Variants in ZFAND4 observed in about 807,000 individuals in gnomAD.
ZFAND4 encodes the protein AN1-type zinc finger protein 4.
Under a neutral mutation model 64.4 loss-of-function variants are expected in ZFAND4, and 43 were observed. The observed-to-expected ratio is 0.67, with a 90% CI of 0.52 to 0.86. The LOEUF (loss-of-function observed/expected upper bound fraction) is 0.86, where lower values mean the gene tolerates loss of function less well. Among genes scored for constraint, ZFAND4 ranks in the 40% least tolerant of loss-of-function variants. ZFAND4 has a pLI of 0.00. For missense variants in ZFAND4, 929 were observed against 859.8 expected, an observed-to-expected ratio of 1.08 and a Z score of -1.01; for synonymous variants, 296 against 305.7, an observed-to-expected ratio of 0.97 and a Z score of 0.33.
rs1224247506 is a variant in ZFAND4, at chr10:45,615,932, A to AATATT, written c.*503_*504insAATAT. On this transcript the variant is annotated 3_prime_UTR_variant, in exon 10 of 10. Coordinates refer to ENST00000344646, the MANE Select transcript of ZFAND4 (RefSeq NM_174890.4). ...TGAAGTAAAAAGGAACTTGCTAATA[A>AATATT]AGCCAGTAAACTTTCACACGTGGGA... The AATATT allele has an allele frequency of 3.9e-5, 6 of 152,544 alleles. No homozygotes were observed. In the East Asian group the frequency reaches 7.7e-4, roughly 20 times the overall value. 9.4% of individuals were successfully genotyped at this position (152,544 alleles called of 1,614,324 possible).
intron 8 of ZFAND4, among the ~76,000 whole-genome samples, chr10:45,624,356 C>T (rs1429925193): frequency 6.6e-6 from 1 of 152,094 alleles, no homozygotes; most frequent in African/African-American, 2.4e-5. Flanking sequence ...ATAGATAACA[C>T]CTCTTCCAAG....
rs1200570218 is a variant in ZFAND4 at position 45,639,638 on chromosome 10, G to A, written c.717+178C>T. 5.3e-6 allele frequency: 3 copies of A among 568,568 alleles called. No individual in the cohort carries two copies. The African/African-American group carries it at 5.8e-5, about 11-fold the overall frequency. 35.2% of individuals were successfully genotyped at this position (568,568 alleles called of 1,614,324 possible). A position where few individuals can be genotyped will look rare whatever the true frequency, so the allele number is the denominator to read the frequency against. Reference sequence around the variant, plus strand: ...TAAGTGCAGTATAATCCCTTCAGGTGTGCTTCTAATCCAAAAAATCCAATT... The same window carrying A: ...TAAGTGCAGTATAATCCCTTCAGGTATGCTTCTAATCCAAAAAATCCAATT... On this transcript the variant is annotated intron_variant, in intron 6 of 9. Transcript: ENST00000344646.
intron 6 of ZFAND4, 33 bp from the exon 7 acceptor site, chr10:45,627,138 A>G: frequency 4.7e-6 from 7 of 1,494,726 alleles, no homozygotes; most frequent in Non-Finnish European, 5.3e-6. Flanking sequence ...TTCTTTACAC[A>G]GTCGTTTTCT....
In ZFAND4 at chr10:45,645,806, A is replaced by G. The variant is rs115556434; in HGVS notation, c.569+2488T>C. Among the ~76,000 whole-genome samples the G allele has an allele frequency of 4.6e-3, 697 of 152,316 alleles. 5 individuals carry two copies. Among genetic ancestry groups the G allele is most frequent in the African/African-American group, 0.016 (660 of 41,574 alleles). On this transcript the variant is annotated intron_variant, in intron 5 of 9. Transcript: ENST00000344646. ...TAGCAGTGTTTTTATACCTCAGTGC[A>G]ATTTCCAAATAATGTTCTATTTCAA...
At chr10:45,616,642 G>A in intron 9 of ZFAND4, 71 bp from the exon 10 acceptor site, 3 of 1,554,114 alleles carry the variant, frequency 1.9e-6, no homozygotes, top group Non-Finnish European at 2.6e-6. Flanking sequence ...GGAGACAGGA[G>A]CTTGACTTCA....
chr10:45,642,293 T>TAC lies in ZFAND4; in HGVS notation c.570-2332_570-2331dup, dbSNP rs758161706. 1.0e-3 allele frequency among the ~76,000 whole-genome samples: 153 copies of TAC among 151,358 alleles called. 1 individual carries two copies. Among genetic ancestry groups the TAC allele is most frequent in the Non-Finnish European group, 1.7e-3 (115 of 67,874 alleles). On this transcript the variant is annotated intron_variant, in intron 5 of 9. Transcript: ENST00000344646. Reference sequence around the variant, plus strand: ...AGATACATATATACACACACATACATACACACATATATATATATATAAAAG... The same window carrying TAC: ...AGATACATATATACACACACATACATACACACACATATATATATATATAAAAG...
chr10:45,666,557 C>T (rs117240274), intron 1 of ZFAND4, among the ~76,000 whole-genome samples: 5,077 of 152,168 alleles, frequency 0.033, 122 homozygotes, highest in Middle Eastern at 0.058. Context: ...TCTAATTTGG[C>T]TATTTTTCTT....
chr10:45,646,159 C>A (rs1426649896), intron 5 of ZFAND4, among the ~76,000 whole-genome samples: 1 of 152,128 alleles, frequency 6.6e-6, no homozygotes, highest in African/African-American at 2.4e-5. Flanking sequence ...TTCTGTGGTA[C>A]AAACAGAAGA....
intron 1 of ZFAND4, among the ~76,000 whole-genome samples, chr10:45,664,852 A>T (rs1316293099): frequency 6.6e-6 from 1 of 151,310 alleles, no homozygotes; most frequent in African/African-American, 2.4e-5. Flanking sequence ...AATGGCGTGA[A>T]CCCGGGAGGC....
chr10:45,667,598 A>G (rs1029416867), intron 1 of ZFAND4, among the ~76,000 whole-genome samples: 1 of 151,386 alleles, frequency 6.6e-6, no homozygotes, highest in Admixed American at 6.6e-5. Flanking sequence ...CTTCCCAAAT[A>G]GCTGGGATTA....
At chr10:45,642,681 C>T (rs1355309010) in intron 5 of ZFAND4, among the ~76,000 whole-genome samples, 1 of 149,560 alleles carries the variant, frequency 6.7e-6, no homozygotes, top group African/African-American at 2.5e-5. Context: ...CTTTTAAATT[C>T]ACCTTTTTTT....
intron 6 of ZFAND4, among the ~76,000 whole-genome samples, chr10:45,627,626 G>C (rs1014670679): frequency 6.6e-6 from 1 of 152,152 alleles, no homozygotes; most frequent in Non-Finnish European, 1.5e-5. Context: ...TAACTGATAA[G>C]AGTCGTTCAT....
intron 1 of ZFAND4, among the ~76,000 whole-genome samples, chr10:45,671,460 G>A (rs1342313751): frequency 1.3e-5 from 2 of 152,152 alleles, no homozygotes; most frequent in Non-Finnish European, 2.9e-5. Context: ...AGTGGATTAA[G>A]AATATGTGGC....
intron 2 of ZFAND4, among the ~76,000 whole-genome samples, chr10:45,662,941 A>T (rs1258629031): frequency 6.6e-6 from 1 of 152,238 alleles, no homozygotes; most frequent in East Asian, 1.9e-4. Flanking sequence ...TTATTGCAGA[A>T]ATCTGCAAAA....
chr10:45,651,547 A>T, intron 4 of ZFAND4: 3 of 471,234 alleles, frequency 6.4e-6, no homozygotes, highest in South Asian at 4.6e-5. Flanking sequence ...ATATCCATGA[A>T]ACCCAGACAC....
intron 5 of ZFAND4, among the ~76,000 whole-genome samples, chr10:45,644,212 C>T (rs1160098708): frequency 6.6e-6 from 1 of 152,112 alleles, no homozygotes; most frequent in Non-Finnish European, 1.5e-5. Flanking sequence ...AGGGTATACC[C>T]AACCTTGTCA....
intron 1 of ZFAND4, among the ~76,000 whole-genome samples, chr10:45,667,303 A>T (rs781470487): frequency 1.2e-4 from 19 of 152,012 alleles, no homozygotes; most frequent in Admixed American, 2.6e-4. Flanking sequence ...TAATATCTTG[A>T]TCCTGTACAC....
chr10:45,622,173 A>G (rs978325418), intron 8 of ZFAND4, among the ~76,000 whole-genome samples: 3 of 152,250 alleles, frequency 2.0e-5, no homozygotes, highest in Admixed American at 6.5e-5. Flanking sequence ...ACCAATGAGT[A>G]GACAGTCCAG....
chr10:45,627,170 C>A, intron 6 of ZFAND4, 65 bp from the exon 7 acceptor site: 2 of 1,344,098 alleles, frequency 1.5e-6, no homozygotes, highest in Non-Finnish European at 2.0e-6. Flanking sequence ...CAAAAATTAG[C>A]GAAGGAAGAA....
Sources: allele counts gnomAD v4.1 joint callset (sites outside exome capture counted in the v4.1 genomes callset), GRCh38; gene constraint gnomAD v4.1.1; transcripts MANE v1.5; gene names NCBI Gene and HGNC (gene_info 2026-07-23, HGNC 2026-07-21).